Variants in SPOP observed in about 807,000 individuals in gnomAD.
SPOP encodes speckle-type POZ protein.
SPOP carries 11 observed loss-of-function variants against 45.6 expected under a neutral mutation model. The ratio of observed to expected loss-of-function variants is 0.24; its 90% confidence interval spans 0.15 to 0.40. SPOP has a LOEUF of 0.40. Among genes scored for constraint, SPOP ranks in the 10% least tolerant of loss-of-function variants. SPOP has a pLI of 1.00. For synonymous variants in SPOP, 166 were observed against 166.3 expected, an observed-to-expected ratio of 1.00 and a Z score of 0.01; for missense variants, 152 against 465.6, an observed-to-expected ratio of 0.33 and a Z score of 6.20.
At chr17:49,605,337 G>A (rs1006692426) in intron 8 of SPOP, among the ~76,000 whole-genome samples, 9 of 152,190 alleles carry the variant, frequency 5.9e-5, no homozygotes, top group African/African-American at 2.2e-4. Context: ...ATCCTTGGGG[G>A]ACTGGGTCCA....
chr17:49,606,173 A>G (rs751408919), intron 8 of SPOP, among the ~76,000 whole-genome samples: 1 of 151,830 alleles, frequency 6.6e-6, no homozygotes, highest in African/African-American at 2.4e-5. Flanking sequence ...TATTTTTTTG[A>G]AACAAGGTCT....
intron 8 of SPOP, among the ~76,000 whole-genome samples, chr17:49,606,048 T>C (rs1297090657): frequency 6.6e-6 from 1 of 152,074 alleles, no homozygotes; most frequent in Non-Finnish European, 1.5e-5. Flanking sequence ...TCTTTATGTA[T>C]ATCCTCCTGT....
At chr17:49,647,505 G>A (rs908224610) in intron 1 of SPOP, among the ~76,000 whole-genome samples, 21 of 151,796 alleles carry the variant, frequency 1.4e-4, no homozygotes, top group Admixed American at 3.9e-4. Context: ...GATGGAGACA[G>A]AGTCTTGCTC....
intron 1 of SPOP, among the ~76,000 whole-genome samples, chr17:49,660,399 A>T (rs1194401768): frequency 6.6e-6 from 1 of 152,130 alleles, no homozygotes; most frequent in African/African-American, 2.4e-5. Flanking sequence ...AAATCACAAC[A>T]CCTACTCCCA....
At chr17:49,669,232 A>C (rs1261006340) in intron 1 of SPOP, among the ~76,000 whole-genome samples, 1 of 149,810 alleles carries the variant, frequency 6.7e-6, no homozygotes, top group Non-Finnish European at 1.5e-5. Flanking sequence ...ATGCCCGGAT[A>C]ATTTTTGCAT....
At chr17:49,646,591 A>T (rs1487172873) in intron 1 of SPOP, 2 of 152,034 alleles carry the variant, frequency 1.3e-5, no homozygotes, top group East Asian at 3.9e-4. Flanking sequence ...CTTTAAAAGG[A>T]TTTCCAAGGT....
At chr17:49,664,014 A>T (rs1412966265) in intron 1 of SPOP, among the ~76,000 whole-genome samples, 1 of 152,258 alleles carries the variant, frequency 6.6e-6, no homozygotes, top group Non-Finnish European at 1.5e-5. Context: ...CTCAATTAAC[A>T]AGTATTTCCC....
intron 1 of SPOP, among the ~76,000 whole-genome samples, chr17:49,638,759 G>A (rs769346325): frequency 6.6e-6 from 1 of 152,140 alleles, no homozygotes; most frequent in Non-Finnish European, 1.5e-5. Context: ...GCTAAAACAG[G>A]GCAGTCTTAA....
chr17:49,612,122 G>C (rs926927460), intron 5 of SPOP, among the ~76,000 whole-genome samples: 2 of 152,094 alleles, frequency 1.3e-5, no homozygotes, highest in Non-Finnish European at 2.9e-5. Flanking sequence ...GGCTCAAAGT[G>C]ATCCTCCATC....
intron 1 of SPOP, among the ~76,000 whole-genome samples, chr17:49,624,178 A>C (rs2072275054): frequency 6.6e-6 from 1 of 152,176 alleles, no homozygotes; most frequent in African/African-American, 2.4e-5. Context: ...AGGGGTACAA[A>C]GTTGCAGATG....
chr17:49,678,023 C>T lies in SPOP; in HGVS notation c.-157G>A. The T allele has an allele frequency of 2.5e-6, 1 of 399,378 alleles. No individual in the cohort carries two copies. Among genetic ancestry groups the T allele is most frequent in the Non-Finnish European group, 4.4e-6 (1 of 226,440 alleles). 24.7% of individuals were successfully genotyped at this position (399,378 alleles called of 1,614,324 possible). Reference sequence around the variant, plus strand: ...TCCGGGACCTGCGGGACCGCCGATACACAAATACACACACACTCGGAGCGC... The same window carrying T: ...TCCGGGACCTGCGGGACCGCCGATATACAAATACACACACACTCGGAGCGC... On this transcript the variant is annotated 5_prime_UTR_variant, in exon 1 of 10. Transcript: ENST00000504102.
intron 1 of SPOP, among the ~76,000 whole-genome samples, chr17:49,653,444 T>A (rs1467034265): frequency 6.6e-6 from 1 of 152,122 alleles, no homozygotes; most frequent in Non-Finnish European, 1.5e-5. Flanking sequence ...ATATTTTCCC[T>A]GTAGACACAC....
At chr17:49,669,002 T>C (rs1157722587) in intron 1 of SPOP, among the ~76,000 whole-genome samples, 2 of 151,892 alleles carry the variant, frequency 1.3e-5, no homozygotes, top group African/African-American at 4.8e-5. Context: ...GGTATCGATC[T>C]CCTGACCTCG....
chr17:49,612,907 A>AT (rs2072004881), intron 5 of SPOP: 1 of 152,246 alleles, frequency 6.6e-6, no homozygotes, highest in Non-Finnish European at 1.5e-5. Flanking sequence ...CGCAGTCATA[A>AT]GCCCAGAGGC....
chr17:49,619,017 C>T lies in SPOP; in HGVS notation c.444G>A (p.Gly148=), dbSNP rs2143261765. The change falls in exon 5 of 10, where the codon GGG becomes GGA. Residue 148 remains glycine, a synonymous_variant. Coordinates refer to ENST00000504102, the MANE Select transcript of SPOP (RefSeq NM_001007228.2). This position sits in a 1 kb window ranked among gnomAD's most constrained non-coding sequence, Gnocchi z 4.9. ...RRDFLLDEAN[G]LLPDDKLTLF... ...GGGTAAGCTTGTCATCAGGGAGAAG[C>T]CCGTTGGCCTCATCCAAAAGAAAAT... The T allele has an allele frequency of 6.2e-7, 1 of 1,614,084 alleles. No homozygotes were observed. Among genetic ancestry groups the T allele is most frequent in the Non-Finnish European group, 8.5e-7 (1 of 1,179,996 alleles).
chr17:49,659,706 A>C (rs1251070300), intron 1 of SPOP, among the ~76,000 whole-genome samples: 1 of 152,194 alleles, frequency 6.6e-6, no homozygotes, highest in East Asian at 1.9e-4. Context: ...TCAAGCTCTG[A>C]TTTCATTTCA....
chr17:49,660,371 C>T (rs1426886196), intron 1 of SPOP, among the ~76,000 whole-genome samples: 3 of 152,222 alleles, frequency 2.0e-5, no homozygotes, highest in Non-Finnish European at 2.9e-5. Context: ...GTGAGGTCTT[C>T]CCTGGCCATT....
intron 6 of SPOP, among the ~76,000 whole-genome samples, chr17:49,608,427 T>C (rs1203887531): frequency 6.6e-6 from 1 of 152,194 alleles, no homozygotes; most frequent in Non-Finnish European, 1.5e-5. Context: ...TCTGTTTTTC[T>C]AAGCTATGCA....
chr17:49,634,466 A>G (rs1380243052), intron 1 of SPOP, among the ~76,000 whole-genome samples: 1 of 152,262 alleles, frequency 6.6e-6, no homozygotes, highest in Non-Finnish European at 1.5e-5. Flanking sequence ...TTATTACATA[A>G]GTTAATATTC....
Sources: allele counts gnomAD v4.1 joint callset (sites outside exome capture counted in the v4.1 genomes callset), GRCh38; gene constraint gnomAD v4.1.1; non-coding constraint Gnocchi (gnomAD v3.1); transcripts MANE v1.5; gene names NCBI Gene and HGNC (gene_info 2026-07-23, HGNC 2026-07-21).